GALNT17: variants seen among roughly 807,000 people sequenced by gnomAD.
The protein encoded by GALNT17 is UDP-GalNAc:polypeptide N-acetylgalactosaminyltransferase-like 3.
Under a neutral mutation model 63.7 loss-of-function variants are expected in GALNT17, and 29 were observed. That is an observed-to-expected ratio of 0.46 (90% CI 0.34 to 0.62). GALNT17 has a LOEUF of 0.62. Among genes scored for constraint, GALNT17 ranks in the 20% least tolerant of loss-of-function variants. The pLI, the probability that GALNT17 is intolerant of heterozygous loss-of-function variation, is 0.01. For synonymous variants in GALNT17, 305 were observed against 318.3 expected (o/e 0.96, Z 0.45); for missense variants, 603 against 799.6 (o/e 0.75, Z 2.97).
At chr7:71,298,762 A>C (rs1324300247) in intron 1 of GALNT17, among the ~76,000 whole-genome samples, 1 of 151,882 alleles carries the variant, frequency 6.6e-6, no homozygotes. Context: ...GAATGTGTAC[A>C]CAGGCTAGTG....
At position 71,309,684 on chromosome 7, in the gene GALNT17, G is replaced by A. The variant is rs140041469; in HGVS notation, c.239-25866G>A. On this transcript the variant is annotated intron_variant, in intron 1 of 10. Coordinates refer to ENST00000333538, the MANE Select transcript of GALNT17 (RefSeq NM_022479.3). ...ATAGGATATTATAATGATAATAAGA[G>A]TTATGTTAAGGAATTCCCATAATAA... Among the ~76,000 whole-genome samples, 629 of 152,312 alleles carry A rather than the reference G, an allele frequency of 4.1e-3. 8 individuals carry two copies. Among genetic ancestry groups the A allele is most frequent in the African/African-American group, 0.014 (597 of 41,558 alleles).
At chr7:71,539,051 C>T (rs1007611526) in intron 5 of GALNT17, among the ~76,000 whole-genome samples, 4 of 152,200 alleles carry the variant, frequency 2.6e-5, no homozygotes, top group African/African-American at 9.7e-5. Context: ...ATTCTCCTGC[C>T]TCCCGAGTAG....
rs1206772344 is a variant in GALNT17 at position 71,623,599 on chromosome 7, A to T, written c.1081-41812A>T. ...CGCCAAGCTATTTTTTGTATTTTTAACCTTGCCCAGGCTGGAGTGCCGGAC... is the reference window on the plus strand; with the variant it reads ...CGCCAAGCTATTTTTTGTATTTTTATCCTTGCCCAGGCTGGAGTGCCGGAC... On this transcript the variant is annotated intron_variant, in intron 6 of 10. Transcript: ENST00000333538. Among the ~76,000 whole-genome samples the T allele has an allele frequency of 2.0e-5, 3 of 149,510 alleles. No homozygotes were observed. In the East Asian group the frequency reaches 6.0e-4, roughly 30 times the overall value.
chr7:71,363,042 C>G (rs995928739), intron 2 of GALNT17, among the ~76,000 whole-genome samples: 1 of 151,990 alleles, frequency 6.6e-6, no homozygotes, highest in African/African-American at 2.4e-5. Context: ...TCTCAGCTGA[C>G]CGCAACCTCC....
Position 71,508,695 on chromosome 7 carries a change from G to A in GALNT17, c.963-62590G>A, listed in dbSNP as rs537927847. 5.4e-4 allele frequency among the ~76,000 whole-genome samples: 82 copies of A among 152,178 alleles called. 2 individuals carry two copies. In the South Asian group the frequency reaches 0.016, roughly 29 times the overall value. On this transcript the variant is annotated intron_variant, in intron 5 of 10. Coordinates refer to ENST00000333538, the MANE Select transcript of GALNT17 (RefSeq NM_022479.3). ...CTCCAAGTCCCCAGCCTTCATGCCC[G>A]GGCTGTGGGGGCCAAAGGGACCCTG...
intron 5 of GALNT17, among the ~76,000 whole-genome samples, 191 bp from the exon 6 acceptor site, chr7:71,571,094 C>T (rs1165567639): frequency 2.7e-5 from 2 of 75,288 alleles, no homozygotes; most frequent in Non-Finnish European, 6.0e-5. Context: ...AGGCTGGAAC[C>T]CAGTACATGC....
chr7:71,340,406 A>G (rs1243329852), intron 2 of GALNT17, among the ~76,000 whole-genome samples: 3 of 152,196 alleles, frequency 2.0e-5, no homozygotes, highest in Non-Finnish European at 2.9e-5. Flanking sequence ...AAGAGTTTGA[A>G]GAATCCACTT....
intron 5 of GALNT17, among the ~76,000 whole-genome samples, chr7:71,553,500 G>A (rs145636886): frequency 6.6e-6 from 1 of 152,284 alleles, no homozygotes; most frequent in African/African-American, 2.4e-5. Context: ...TTACGAGACA[G>A]ACTGCCAAAT....
intron 5 of GALNT17, among the ~76,000 whole-genome samples, chr7:71,534,157 A>G (rs11769266): frequency 0.43 from 64,792 of 152,036 alleles, 14,827 homozygotes; most frequent in African/African-American, 0.6. Flanking sequence ...TTTATAAAGG[A>G]AAGAGGCTTA....
intron 1 of GALNT17, among the ~76,000 whole-genome samples, chr7:71,247,208 T>C (rs1002052151): frequency 1.1e-4 from 16 of 152,240 alleles, no homozygotes; most frequent in African/African-American, 3.9e-4. Context: ...TTTGTGTTAG[T>C]ATTTATCTTG....
intron 7 of GALNT17, among the ~76,000 whole-genome samples, chr7:71,666,566 C>T (rs1335469487): frequency 1.3e-5 from 2 of 151,982 alleles, no homozygotes; most frequent in African/African-American, 4.8e-5. Context: ...TCCCACTCTT[C>T]CCCTGAAGTC....
intron 9 of GALNT17, among the ~76,000 whole-genome samples, chr7:71,698,079 C>T (rs555585019): frequency 6.8e-5 from 10 of 146,594 alleles, no homozygotes; most frequent in South Asian, 6.4e-4. Context: ...GCCATGATCA[C>T]GCCACTGCAC....
chr7:71,416,148 C>A, intron 4 of GALNT17, 85 bp downstream of exon 4: 1 of 1,452,268 alleles, frequency 6.9e-7, no homozygotes, highest in South Asian at 1.4e-5. Context: ...GGACATTTCA[C>A]CTGTTACCTG....
At chr7:71,469,808 G>A (rs559369401) in intron 5 of GALNT17, among the ~76,000 whole-genome samples, 14 of 152,342 alleles carry the variant, frequency 9.2e-5, no homozygotes, top group Non-Finnish European at 1.8e-4. Flanking sequence ...ATTCTTTGAA[G>A]ACTGACATCA....
chr7:71,654,332 G>A (rs559768207), intron 6 of GALNT17, among the ~76,000 whole-genome samples: 2 of 152,304 alleles, frequency 1.3e-5, no homozygotes, highest in Admixed American at 1.3e-4. Flanking sequence ...GCCGGCTGGA[G>A]GGTTTTATGG....
chr7:71,589,829 G>T (rs1789772320), intron 6 of GALNT17, among the ~76,000 whole-genome samples: 1 of 152,134 alleles, frequency 6.6e-6, no homozygotes. Flanking sequence ...TGAGGCTTGC[G>T]ACCTCTTGCT....
chr7:71,295,354 C>T (rs28631036), intron 1 of GALNT17, among the ~76,000 whole-genome samples: 30,829 of 152,022 alleles, frequency 0.2, 3,373 homozygotes, highest in East Asian at 0.33. Context: ...CCTCAGCTTG[C>T]CTCTTACCTA....
At chr7:71,141,611 C>T (rs976287841) in intron 1 of GALNT17, among the ~76,000 whole-genome samples, 16 of 151,840 alleles carry the variant, frequency 1.1e-4, no homozygotes, top group African/African-American at 3.1e-4. Context: ...ATCATATTCC[C>T]GAGACACTTA....
chr7:71,384,225 G>A (rs1792898142), intron 2 of GALNT17, among the ~76,000 whole-genome samples: 1 of 152,180 alleles, frequency 6.6e-6, no homozygotes, highest in South Asian at 2.1e-4. Flanking sequence ...AATGATTAGT[G>A]ATGTTGAGCA....
Sources: allele counts gnomAD v4.1 joint callset (sites outside exome capture counted in the v4.1 genomes callset), GRCh38; gene constraint gnomAD v4.1.1; transcripts MANE v1.5; gene names NCBI Gene and HGNC (gene_info 2026-07-23, HGNC 2026-07-21).